The following ADGRD1 variants were observed in gnomAD, a reference collection of about 807,000 sequenced individuals.
ADGRD1 encodes the protein G-protein coupled receptor 133.
A neutral mutation model predicts 113.4 loss-of-function variants in ADGRD1; 77 were observed. The ratio of observed to expected loss-of-function variants is 0.68; its 90% CI spans 0.57 to 0.82. ADGRD1 has a LOEUF of 0.82. ADGRD1 is among the 40% of genes least tolerant of loss of function. ADGRD1 has a pLI of 0.00. For missense variants in ADGRD1, 1,036 were observed against 1,139.1 expected, an observed-to-expected ratio of 0.91 and a Z score of 1.30; for synonymous variants, 474 against 475.0, an observed-to-expected ratio of 1.00 and a Z score of 0.03.
intron 15 of ADGRD1, among the ~76,000 whole-genome samples, chr12:131,104,019 C>T (rs763615156): frequency 3.9e-5 from 6 of 152,180 alleles, no homozygotes; most frequent in South Asian, 2.1e-4. Context: ...CTGGATTGTG[C>T]GGTCGGTGAA....
chr12:130,981,156 T>C (rs1259071573), intron 4 of ADGRD1: 2 of 152,252 alleles, frequency 1.3e-5, no homozygotes, highest in South Asian at 4.1e-4. Flanking sequence ...CCTAAAGGCA[T>C]ATAGTCTGAG....
chr12:131,011,654 A>G (rs1725785), intron 12 of ADGRD1, among the ~76,000 whole-genome samples: 145,546 of 152,264 alleles, frequency 0.96, 69,871 homozygotes, highest in East Asian at 1. Flanking sequence ...AAGTCAAGGG[A>G]CAAATCATGC....
intron 13 of ADGRD1, chr12:131,026,119 C>G (rs1036695847): frequency 1.3e-5 from 2 of 152,338 alleles, no homozygotes; most frequent in Non-Finnish European, 2.9e-5. Context: ...GAGGTGTCAT[C>G]TGTGCTTCTC....
chr12:131,059,757 C>G (rs1884162198), intron 13 of ADGRD1, among the ~76,000 whole-genome samples: 1 of 152,188 alleles, frequency 6.6e-6, no homozygotes, highest in African/African-American at 2.4e-5. Flanking sequence ...ACTTCTAATT[C>G]TTTGCTGAGA....
chr12:131,021,856 A>T (rs1879363694), intron 13 of ADGRD1, among the ~76,000 whole-genome samples: 2 of 152,118 alleles, frequency 1.3e-5, no homozygotes, highest in South Asian at 4.1e-4. Flanking sequence ...TCAGACATGC[A>T]TCACAATGCC....
At chr12:130,979,632 CCTT>C (rs1198408196) in intron 4 of ADGRD1, among the ~76,000 whole-genome samples, 1 of 152,172 alleles carries the variant, frequency 6.6e-6, no homozygotes, top group Non-Finnish European at 1.5e-5. Context: ...GGGCAAATAT[CCTT>C]CTGCCTCTCC....
At chr12:131,006,111 A>G in intron 12 of ADGRD1, 64 bp downstream of exon 12, 2 of 1,361,430 alleles carry the variant, frequency 1.5e-6, no homozygotes, top group Non-Finnish European at 2.1e-6. Flanking sequence ...GTGGCTGGCC[A>G]CAGGGATGCC....
Position 131,037,519 on chromosome 12 carries a change from CTCACTACACCAGGTCTCAG to C in ADGRD1, c.1473+23185_1473+23203del, listed in dbSNP as rs1195055742. Among the ~76,000 whole-genome samples, 3 of 101,952 alleles carry C rather than the reference CTCACTACACCAGGTCTCAG, an allele frequency of 2.9e-5. No homozygotes were observed. The East Asian group carries it at 9.6e-4, about 33-fold the overall frequency. 66.9% of individuals were successfully genotyped at this position (101,952 alleles called of 152,430 possible). On this transcript the variant is annotated intron_variant, in intron 13 of 24. Coordinates refer to ENST00000261654, the MANE Select transcript of ADGRD1 (RefSeq NM_198827.5). ...GTCTTACTCATTGCACTGGGTCTCA[CTCACTACACCAGGTCTCAG>C]TCACTGCACTGGGTCTCACTCACTG...
At chr12:131,013,228 C>T (rs1481177298) in intron 12 of ADGRD1, among the ~76,000 whole-genome samples, 1 of 152,116 alleles carries the variant, frequency 6.6e-6, no homozygotes, top group Non-Finnish European at 1.5e-5. Flanking sequence ...GCGGAAAACC[C>T]ATCTTTAACA....
intron 15 of ADGRD1, among the ~76,000 whole-genome samples, chr12:131,101,270 TG>T (rs1314580477): frequency 6.6e-6 from 1 of 151,960 alleles, no homozygotes; most frequent in Non-Finnish European, 1.5e-5. Flanking sequence ...CCCAGGGCAG[TG>T]GGCCAGGCAG....
intron 15 of ADGRD1, among the ~76,000 whole-genome samples, chr12:131,093,393 C>T (rs1368537672): frequency 3.3e-5 from 5 of 152,214 alleles, no homozygotes; most frequent in African/African-American, 1.2e-4. Context: ...CCACGCCTTC[C>T]TGAGGCAGGA....
At chr12:131,125,838 G>A (rs981944093) in intron 20 of ADGRD1, among the ~76,000 whole-genome samples, 4 of 152,102 alleles carry the variant, frequency 2.6e-5, no homozygotes, top group Non-Finnish European at 5.9e-5. Context: ...CCTAGAGTTG[G>A]GCAAAATCAT....
intron 2 of ADGRD1, chr12:130,956,627 G>C (rs1040735101): frequency 3.9e-5 from 6 of 152,384 alleles, no homozygotes; most frequent in Admixed American, 3.3e-4. Flanking sequence ...AGGGCGGTCA[G>C]GCAGAGCTGT....
intron 4 of ADGRD1, among the ~76,000 whole-genome samples, chr12:130,972,350 G>A (rs1337968687): frequency 6.6e-6 from 1 of 152,190 alleles, no homozygotes; most frequent in African/African-American, 2.4e-5. Context: ...CTCGTAGGAA[G>A]CTCTAAGGCA....
chr12:131,138,881 G>A (rs915251772), intron 24 of ADGRD1, among the ~76,000 whole-genome samples: 5 of 152,314 alleles, frequency 3.3e-5, no homozygotes, highest in East Asian at 3.9e-4. Context: ...GGGTGAAAGC[G>A]TGGGTGCCGG....
chr12:131,087,010 A>G (rs1479662689), intron 15 of ADGRD1, among the ~76,000 whole-genome samples: 1 of 152,126 alleles, frequency 6.6e-6, no homozygotes, highest in African/African-American at 2.4e-5. Flanking sequence ...GGCTCAGGCT[A>G]TCCTCCCACC....
intron 20 of ADGRD1, among the ~76,000 whole-genome samples, chr12:131,130,119 G>A (rs1022827617): frequency 2.0e-5 from 3 of 152,354 alleles, no homozygotes; most frequent in Admixed American, 6.5e-5. Context: ...TCTTCTCGTC[G>A]TTACACAGTG....
chr12:131,072,305 C>T (rs115279333), intron 13 of ADGRD1, among the ~76,000 whole-genome samples: 2 of 152,136 alleles, frequency 1.3e-5, no homozygotes, highest in African/African-American at 4.8e-5. Flanking sequence ...ACCAGACCAG[C>T]ATCCCACCTT....
At chr12:131,040,480 TA>T (rs1882010737) in intron 13 of ADGRD1, among the ~76,000 whole-genome samples, 1 of 152,246 alleles carries the variant, frequency 6.6e-6, no homozygotes, top group Non-Finnish European at 1.5e-5. Context: ...ATGCATTATA[TA>T]CTTAACTATT....
Sources: gnomAD v4.1 joint callset for allele counts (sites outside exome capture counted in the v4.1 genomes callset) on GRCh38, gnomAD v4.1.1 for gene constraint, MANE v1.5 for transcripts, NCBI Gene and HGNC (gene_info 2026-07-23, HGNC 2026-07-21) for gene names.